The following TMCC2 variants were observed in gnomAD, a reference collection of about 807,000 sequenced individuals.
The protein encoded by TMCC2 is transmembrane and coiled-coil domain family 2.
A neutral mutation model predicts 49.4 loss-of-function variants in TMCC2; 16 were observed. That is an observed-to-expected ratio of 0.32 (90% CI 0.22 to 0.49). The LOEUF (loss-of-function observed/expected upper bound fraction) is 0.49. Ranked by LOEUF, TMCC2 falls within the 20% of genes least tolerant of loss-of-function variation. The pLI is 0.99. For missense variants in TMCC2, 762 were observed against 989.8 expected, an observed-to-expected ratio of 0.77 and a Z score of 3.09; for synonymous variants, 397 against 434.1, an observed-to-expected ratio of 0.91 and a Z score of 1.06.
At chr1:205,270,677 A>G (rs1011498508) in intron 3 of TMCC2, among the ~76,000 whole-genome samples, 1 of 152,216 alleles carries the variant, frequency 6.6e-6, no homozygotes, top group Non-Finnish European at 1.5e-5. Context: ...TTGTGCCTTC[A>G]GAGCCGGGAT....
chr1:205,256,494 T>G, intron 2 of TMCC2: 1 of 1,422,126 alleles, frequency 7.0e-7, no homozygotes, highest in Non-Finnish European at 9.7e-7. Flanking sequence ...CAGAAGCTAG[T>G]GCAGAAGTGG....
chr1:205,244,650 A>G (rs1660390443), intron 2 of TMCC2, among the ~76,000 whole-genome samples: 1 of 152,166 alleles, frequency 6.6e-6, no homozygotes, highest in Non-Finnish European at 1.5e-5. Context: ...GCCAGAGGGT[A>G]GGAACAGAGC....
intron 2 of TMCC2, among the ~76,000 whole-genome samples, chr1:205,243,099 T>C (rs1464535905): frequency 1.3e-5 from 2 of 152,070 alleles, no homozygotes; most frequent in Non-Finnish European, 2.9e-5. Context: ...AAAGAGTAGA[T>C]TGGGGCCAGG....
At chr1:205,240,524 C>G (rs1347324750) in intron 1 of TMCC2, among the ~76,000 whole-genome samples, 1 of 152,232 alleles carries the variant, frequency 6.6e-6, no homozygotes, top group East Asian at 1.9e-4. Context: ...CCAACCATAT[C>G]AGGAATGAAA....
At chr1:205,259,476 A>T (rs2102589202) in intron 2 of TMCC2, among the ~76,000 whole-genome samples, 1 of 152,306 alleles carries the variant, frequency 6.6e-6, no homozygotes, top group East Asian at 1.9e-4. Context: ...ATTATGAAGA[A>T]AGAGAACCAC....
chr1:205,230,166 G>T, intron 1 of TMCC2: 3 of 985,512 alleles, frequency 3.0e-6, no homozygotes, highest in Non-Finnish European at 3.6e-6. Context: ...AAGTCAGAGC[G>T]CAGGTGAGTG....
At chr1:205,235,099 G>C (rs1659982725) in intron 1 of TMCC2, among the ~76,000 whole-genome samples, 1 of 152,094 alleles carries the variant, frequency 6.6e-6, no homozygotes, top group Admixed American at 6.5e-5. Flanking sequence ...AACAATGGAG[G>C]GTAGTGCAAA....
In TMCC2 at chr1:205,272,343, G is replaced by A; in HGVS notation, c.*219G>A. 1 of 891,588 alleles carries A rather than the reference G, an allele frequency of 1.1e-6. No homozygotes were observed. Among genetic ancestry groups the A allele is most frequent in the African/African-American group, 1.7e-5 (1 of 59,330 alleles). The allele number at this position is 891,588 out of a possible 1,614,324, so 55.2% of individuals were successfully genotyped here. On this transcript the variant is annotated 3_prime_UTR_variant, in exon 5 of 5. Coordinates refer to ENST00000358024, the MANE Select transcript of TMCC2 (RefSeq NM_014858.4). Reference sequence around the variant, plus strand: ...GCAGCCCTACCTGGAGATAGTGCGGGCACCTGTGGCCAAGTGGAGCAGAGG... The same window carrying A: ...GCAGCCCTACCTGGAGATAGTGCGGACACCTGTGGCCAAGTGGAGCAGAGG...
intron 2 of TMCC2, among the ~76,000 whole-genome samples, chr1:205,263,433 G>A (rs760272782): frequency 4.6e-5 from 7 of 152,302 alleles, no homozygotes; most frequent in Admixed American, 6.5e-5. Flanking sequence ...GCTCAGGCCT[G>A]TAATCCCAGC....
At chr1:205,246,189 G>A (rs1660444834) in intron 2 of TMCC2, among the ~76,000 whole-genome samples, 1 of 151,904 alleles carries the variant, frequency 6.6e-6, no homozygotes, top group African/African-American at 2.4e-5. Flanking sequence ...CAGAAAGAGA[G>A]AAGTCAAATG....
intron 2 of TMCC2, 149 bp downstream of exon 2, chr1:205,242,193 G>A (rs1660300137): frequency 2.2e-6 from 2 of 916,500 alleles, no homozygotes; most frequent in South Asian, 4.1e-5. Flanking sequence ...GGTTAAAGGA[G>A]TCGGGTATGA....
chr1:205,256,204 TG>T, intron 2 of TMCC2: 1 of 1,466,580 alleles, frequency 6.8e-7, no homozygotes, highest in Non-Finnish European at 9.0e-7. Context: ...CAGACTCAAG[TG>T]GGTGCAGAAT....
In TMCC2 at chr1:205,232,754, G is replaced by A. The variant is rs187816928; in HGVS notation, c.207+3983G>A. Among the ~76,000 whole-genome samples, 30 of 151,894 alleles carry A rather than the reference G, an allele frequency of 2.0e-4. No homozygotes were observed. The East Asian group carries it at 5.6e-3, about 28-fold the overall frequency. On this transcript the variant is annotated intron_variant, in intron 1 of 4. Transcript: ENST00000358024. ...GTTTGAGACCATCCTGGCCAACATG[G>A]TAAAATCCTGTCTCTACTAAAAATA...
intron 2 of TMCC2, among the ~76,000 whole-genome samples, chr1:205,246,051 G>A (rs1012240123): frequency 1.3e-5 from 2 of 152,158 alleles, no homozygotes; most frequent in South Asian, 2.1e-4. Context: ...TGCTGTGAAC[G>A]GGGCGTGAGC....
Position 205,264,610 on chromosome 1 carries a change from G to A in TMCC2, c.748-4340G>A, listed in dbSNP as rs184354964. Among the ~76,000 whole-genome samples the A allele has an allele frequency of 2.6e-5, 4 of 151,990 alleles. No homozygotes were observed. Among genetic ancestry groups the A allele is most frequent in the African/African-American group, 7.2e-5 (3 of 41,432 alleles). ...CGCCATTCTCCCGCCTCAGCCTCCC[G>A]AGTAGCTGGGACTACGGGTGCCCGC... On this transcript the variant is annotated intron_variant, in intron 2 of 4. Transcript: ENST00000358024. This position sits in a 1 kb window ranked among gnomAD's most constrained non-coding sequence, Gnocchi z 4.2.
chr1:205,260,029 G>A (rs1661041178), intron 2 of TMCC2, among the ~76,000 whole-genome samples: 1 of 152,108 alleles, frequency 6.6e-6, no homozygotes. Flanking sequence ...GGCCCTGGCT[G>A]GTAGGGTCCC....
At chr1:205,230,442 C>T (rs2290265) in intron 1 of TMCC2, among the ~76,000 whole-genome samples, 26,593 of 152,064 alleles carry the variant, frequency 0.17, 3,105 homozygotes, top group East Asian at 0.44. Flanking sequence ...CTGTCACCCC[C>T]GAGTCCATCC....
chr1:205,269,006 C>G lies in TMCC2; in HGVS notation c.804C>G (p.Asp268Glu). 1.9e-6 allele frequency: 3 copies of G among 1,613,350 alleles called. No individual in the cohort carries two copies. The highest frequency in any genetic ancestry group is 2.5e-6 in the Non-Finnish European group (3 of 1,179,998). The change falls in exon 3 of 5, where the codon GAC (aspartate) becomes GAG (glutamate). Residue 268 changes from aspartate (D) to glutamate (E), a missense_variant. Around this residue, in one of 2 missense-constraint regions of TMCC2, gnomAD observed 440 missense variants for 636.7 expected, o/e 0.69. Transcript: ENST00000358024. ...LSLPAGHGDT[D>E]GPISLDVPDG... ...TCCCCGCCGGCCATGGTGACACCGA[C>G]GGCCCCATCAGCCTGGACGTGCCCG...
intron 2 of TMCC2, among the ~76,000 whole-genome samples, chr1:205,243,213 G>A (rs571115960): frequency 1.9e-4 from 29 of 152,218 alleles, no homozygotes; most frequent in Non-Finnish European, 2.4e-4. Context: ...GTGAAACCCC[G>A]TCCCTACTAA....
Sources: allele counts gnomAD v4.1 joint callset (sites outside exome capture counted in the v4.1 genomes callset), GRCh38; gene constraint gnomAD v4.1.1; regional missense constraint gnomAD v4.1.1; non-coding constraint Gnocchi (gnomAD v3.1); transcripts MANE v1.5; gene names NCBI Gene and HGNC (gene_info 2026-07-23, HGNC 2026-07-21).